Variants in SETX observed in about 807,000 individuals in gnomAD.
SETX encodes the protein helicase senataxin.
In SETX, 90 loss-of-function variants were observed where a neutral mutation model predicts 227.2. The ratio of observed to expected loss-of-function variants is 0.40; its 90% CI spans 0.33 to 0.47. The LOEUF is 0.47. SETX is among the 20% of genes least tolerant of loss of function. SETX has a pLI of 0.91. For synonymous variants in SETX, 1,210 were observed against 1,113.2 expected, an observed-to-expected ratio of 1.09 and a Z score of -1.73; for missense variants, 3,052 against 3,181.5, an observed-to-expected ratio of 0.96 and a Z score of 0.98.
intron 12 of SETX, among the ~76,000 whole-genome samples, chr9:132,300,136 A>C (rs1844905560): frequency 6.7e-6 from 1 of 149,556 alleles, no homozygotes; most frequent in South Asian, 2.1e-4. Flanking sequence ...GTCTCAAAAA[A>C]AAAAAAAAAA....
intron 7 of SETX, among the ~76,000 whole-genome samples, chr9:132,334,223 A>T (rs1847447388): frequency 6.6e-6 from 1 of 152,244 alleles, no homozygotes; most frequent in Admixed American, 6.5e-5. Flanking sequence ...AGGCAGGCAG[A>T]TCACCTGAGA....
At chr9:132,321,791 T>A (rs1846368311) in intron 10 of SETX, among the ~76,000 whole-genome samples, 1 of 151,084 alleles carries the variant, frequency 6.6e-6, no homozygotes, top group South Asian at 2.1e-4. Flanking sequence ...GAGGTTGCGG[T>A]GAGCCGAGAT....
Position 132,351,563 on chromosome 9 carries a change from T to G in SETX, c.-8+2086A>C, listed in dbSNP as rs923592575. On this transcript the variant is annotated intron_variant, in intron 2 of 25. Coordinates refer to ENST00000224140, the MANE Select transcript of SETX (RefSeq NM_015046.7). ...GGTGAGTGTCATGGCCGCTAGAAGA[T>G]AACGGAGAATACTGCTGCAGAGCAC... 8.7e-4 allele frequency among the ~76,000 whole-genome samples: 132 copies of G among 152,306 alleles called. 1 individual carries two copies. The highest frequency in any genetic ancestry group is 2.8e-3 in the African/African-American group (117 of 41,570).
chr9:132,296,832 G>A, intron 14 of SETX, 55 bp downstream of exon 14: 2 of 1,524,712 alleles, frequency 1.3e-6, no homozygotes, highest in Non-Finnish European at 1.8e-6. Context: ...GTTAACTCAA[G>A]TAAAGTAAAA....
intron 20 of SETX, among the ~76,000 whole-genome samples, 180 bp from the exon 21 acceptor site, chr9:132,278,437 C>CTTTTTTTTTTTTTTTT (rs67558000): frequency 1.2e-5 from 1 of 84,832 alleles, no homozygotes; most frequent in Non-Finnish European, 2.5e-5. Context: ...TGCCATGAAT[C>CTTTTTTTTTTTTTTTT]TTTTTTTTTT....
chr9:132,326,830 T>C lies in SETX; in HGVS notation c.4768A>G (p.Lys1590Glu). The change falls in exon 10 of 26, where the codon AAA becomes GAA. Residue 1590 changes from lysine (K) to glutamate (E), a missense_variant. Physicochemically the swap from Lys to Glu is moderately conservative, Grantham distance 56 (BLOSUM62 1). Transcript: ENST00000224140. ...ATCTTAGTGGTAGGTCTCAAAGGTT[T>C]AGATGCAGGAGGAGGCAAGCCAGGT... ...RKPGLPPPAS[K>E]PLRPTTKIFS... 1 of 1,614,228 alleles carries C rather than the reference T, an allele frequency of 6.2e-7. No homozygotes were observed. The highest frequency in any genetic ancestry group is 8.5e-7 in the Non-Finnish European group (1 of 1,180,034).
At chr9:132,333,274 G>A (rs1589753916) in intron 7 of SETX, among the ~76,000 whole-genome samples, 1 of 150,564 alleles carries the variant, frequency 6.6e-6, no homozygotes, top group Non-Finnish European at 1.5e-5. Context: ...AGCTACTTGG[G>A]AGGCTAAGGC....
intron 10 of SETX, among the ~76,000 whole-genome samples, chr9:132,318,079 G>A (rs1033899997): frequency 4.0e-5 from 6 of 151,448 alleles, no homozygotes; most frequent in Admixed American, 2.6e-4. Flanking sequence ...CTATCCTTTC[G>A]TGATAACTTG....
At chr9:132,281,970 C>A (rs12336932) in intron 19 of SETX, among the ~76,000 whole-genome samples, 2 of 145,006 alleles carry the variant, frequency 1.4e-5, no homozygotes, top group African/African-American at 5.2e-5. Flanking sequence ...TGCAGTGAGC[C>A]GAGATCACAT....
In SETX at chr9:132,327,464, T is replaced by C; in HGVS notation, c.4134A>G (p.Ser1378=). The change falls in exon 10 of 26, where the codon TCA becomes TCG. Residue 1378 remains serine, a synonymous_variant. Coordinates refer to ENST00000224140, the MANE Select transcript of SETX (RefSeq NM_015046.7). ...ATATGTCAGAATTCTGTGCTGTATG[T>C]GACCCTGCTCTTTTAACATCTGTAC... The part of the protein sequence containing the change: ...CESTDVKRAG[S]HTAQNSDIFV... The C allele has an allele frequency of 6.2e-7, 1 of 1,614,212 alleles. No homozygotes were observed. Among genetic ancestry groups the C allele is most frequent in the Non-Finnish European group, 8.5e-7 (1 of 1,180,050 alleles).
chr9:132,328,656 G>C lies in SETX; in HGVS notation c.2942C>G (p.Pro981Arg). The change falls in exon 10 of 26, where the codon CCT becomes CGT. Residue 981 changes from proline (P) to arginine (R), a missense_variant. By Grantham distance (103) the Pro-to-Arg change is moderately radical. Around this residue, in one of 10 missense-constraint regions of SETX, gnomAD observed 1,483 missense variants for 1,312.0 expected, o/e 1.13. Coordinates refer to ENST00000224140, the MANE Select transcript of SETX (RefSeq NM_015046.7). ...CCTTTGCAGCTGCGATGAGTTCTGA[G>C]GTGAATCGGATGGGAACGTAATAAC... ...ASVITFPSDS[P>R]QNSSQLQRKV... is the part of the protein sequence containing the mutation. 6.2e-7 allele frequency: 1 copy of C among 1,613,482 alleles called. No homozygotes were observed.
intron 2 of SETX, among the ~76,000 whole-genome samples, chr9:132,350,700 T>C (rs780543368): frequency 6.6e-6 from 1 of 152,348 alleles, no homozygotes. Context: ...TGAAGAGGTA[T>C]ACTTTCTTCA....
At chr9:132,325,127 C>A (rs529895271) in intron 10 of SETX, among the ~76,000 whole-genome samples, 3 of 152,016 alleles carry the variant, frequency 2.0e-5, no homozygotes, top group Non-Finnish European at 4.4e-5. Context: ...GAGGCCAAGG[C>A]GGGCAGATCA....
chr9:132,338,380 C>T (rs896559364), intron 5 of SETX, among the ~76,000 whole-genome samples: 5 of 152,230 alleles, frequency 3.3e-5, no homozygotes, highest in South Asian at 4.1e-4. Flanking sequence ...CATGAGCCAC[C>T]GTGCCCAGCC....
chr9:132,262,057 G>C lies in SETX; in HGVS notation c.*2182C>G, dbSNP rs566666082. 1 of 152,632 alleles carries C rather than the reference G, an allele frequency of 6.6e-6. No individual in the cohort carries two copies. Among genetic ancestry groups the C allele is most frequent in the Non-Finnish European group, 1.5e-5 (1 of 68,080 alleles). 9.5% of individuals were successfully genotyped at this position (152,632 alleles called of 1,614,324 possible). On this transcript the variant is annotated 3_prime_UTR_variant, in exon 26 of 26. Coordinates refer to ENST00000224140, the MANE Select transcript of SETX (RefSeq NM_015046.7). ...GTAATGTGAGGTACAACTGCATTCC[G>C]CTGTGAAAGGCCGTCACAGGACACA...
rs1277827181 is a variant in SETX, at chr9:132,329,163, T to C, written c.2435A>G (p.Asp812Gly). Residue 812 changes from aspartate to glycine, a missense_variant, in exon 10 of 26, where the codon GAT becomes GGT. Physicochemically the swap from Asp to Gly is moderately conservative, Grantham distance 94. This residue lies in a region of SETX where 1,483 missense variants were observed against 1,312.0 expected (regional missense o/e 1.13). Transcript: ENST00000224140. Reference sequence around the variant, plus strand: ...AATGTTAGATACAGTCAAATTTTCATCTAAATTGATAGTATTATCGACCAA... The same window carrying C: ...AATGTTAGATACAGTCAAATTTTCACCTAAATTGATAGTATTATCGACCAA... ...STLVDNTINL[D>G]ENLTVSNIES... The C allele has an allele frequency of 7.4e-6, 12 of 1,612,172 alleles. No homozygotes were observed. Among genetic ancestry groups the C allele is most frequent in the Non-Finnish European group, 1.0e-5 (12 of 1,179,732 alleles).
chr9:132,288,537 A>T lies in SETX; in HGVS notation c.6208+13T>A. ...CAGAGAAAACACTAGTATATACCAC[A>T]TTCAGTACTTACTCATTCTGTGGTT... On this transcript the variant is annotated intron_variant, in intron 16 of 25. Transcript: ENST00000224140. 6.3e-7 allele frequency: 1 copy of T among 1,592,018 alleles called. No homozygotes were observed. The highest frequency in any genetic ancestry group is 8.6e-7 in the Non-Finnish European group (1 of 1,160,092).
chr9:132,329,301 G>C lies in SETX; in HGVS notation c.2297C>G (p.Ser766Cys). The change falls in exon 10 of 26, where the codon TCT becomes TGT. Residue 766 changes from serine to cysteine, a missense_variant. Physicochemically the swap from Ser to Cys is moderately radical, Grantham distance 112. Around this residue, in one of 10 missense-constraint regions of SETX, gnomAD observed 1,483 missense variants for 1,312.0 expected, o/e 1.13. Coordinates refer to ENST00000224140, the MANE Select transcript of SETX (RefSeq NM_015046.7). ...TTTAGCAAGAGCATCATCCTTTAAA[G>C]AGAAATCTTCATTCGATGTGGACAC... is the stretch of plus-strand genomic sequence containing the variant. ...EKVSTSNEDFSLKDDALAKTS... is the reference protein window; with the variant it reads ...EKVSTSNEDFCLKDDALAKTS... The C allele has an allele frequency of 6.2e-7, 1 of 1,613,814 alleles. No individual in the cohort carries two copies. Among genetic ancestry groups the C allele is most frequent in the Non-Finnish European group, 8.5e-7 (1 of 1,179,888 alleles).
rs768757368 is a variant in SETX, at chr9:132,326,440, C to A, written c.5158G>T (p.Gly1720Trp). The A allele has an allele frequency of 1.9e-5, 30 of 1,614,142 alleles. No individual in the cohort carries two copies. The highest frequency in any genetic ancestry group is 2.5e-5 in the Non-Finnish European group (30 of 1,180,008). Residue 1720 changes from glycine to tryptophan, a missense_variant, in exon 10 of 26, where the codon GGG becomes TGG. By Grantham distance (184) the Gly-to-Trp change is radical. Coordinates refer to ENST00000224140, the MANE Select transcript of SETX (RefSeq NM_015046.7). The part of the protein sequence containing the change: ...YEMFLNFGQC[G>W]PPASLCQSIS... ...GACTGACAAAGACTTGCAGGGGGCC[C>A]ACACTGACCAAAGTTCAAAAACATT...
Sources: allele counts gnomAD v4.1 joint callset (sites outside exome capture counted in the v4.1 genomes callset), GRCh38; gene constraint gnomAD v4.1.1; regional missense constraint gnomAD v4.1.1; transcripts MANE v1.5; gene names NCBI Gene and HGNC (gene_info 2026-07-23, HGNC 2026-07-21).